The following GRSF1 variants were observed in gnomAD, a reference collection of about 807,000 sequenced individuals.
The protein encoded by GRSF1 is G-rich sequence factor 1.
A neutral mutation model predicts 51.1 loss-of-function variants in GRSF1; 50 were observed. That is an observed-to-expected ratio of 0.98 (90% CI 0.78 to 1.24). The LOEUF (loss-of-function observed/expected upper bound fraction) is 1.24, where lower values mean the gene tolerates loss of function less well. Ranked by LOEUF, GRSF1 falls within the 50% of genes most tolerant of loss-of-function variation. The pLI, the probability that GRSF1 is intolerant of heterozygous loss-of-function variation, is 0.00. For synonymous variants in GRSF1, 293 were observed against 253.3 expected (o/e 1.16, Z -1.49); for missense variants, 700 against 639.7 (o/e 1.09, Z -1.02).
In GRSF1 at chr4:70,833,119, T is replaced by G; in HGVS notation, c.669A>C (p.Glu223Asp). The change falls in exon 3 of 10, where the codon GAA becomes GAC. Residue 223 changes from glutamate to aspartate, a missense_variant and splice_region_variant. Glu to Asp is a conservative substitution (Grantham distance 45, BLOSUM62 2). Transcript: ENST00000254799. Reference protein sequence around the residue: ...HRMYMGQRYVEVYEINNEDVD... With the variant: ...HRMYMGQRYVDVYEINNEDVD... ...AAGCCATAATCTGACTTCACATACC[T>G]TCCACATACCGCTGGCCCATGTACA... 6.2e-7 allele frequency: 1 copy of G among 1,612,926 alleles called. No individual in the cohort carries two copies. The highest frequency in any genetic ancestry group is 2.2e-5 in the East Asian group (1 of 44,880).
intron 8 of GRSF1, 38 bp from the exon 9 acceptor site, chr4:70,824,406 A>G: frequency 1.9e-6 from 2 of 1,050,460 alleles, no homozygotes; most frequent in Non-Finnish European, 2.9e-6. Context: ...AAAAAGTTGA[A>G]AAGGTAGAAA....
At chr4:70,829,547 G>C (rs1400624960) in intron 5 of GRSF1, among the ~76,000 whole-genome samples, 1 of 152,050 alleles carries the variant, frequency 6.6e-6, no homozygotes, top group East Asian at 1.9e-4. Flanking sequence ...CCAGCTACTT[G>C]GGAGGCTGAA....
Position 70,839,866 on chromosome 4 carries a change from C to G in GRSF1, c.-39G>C. The G allele has an allele frequency of 6.9e-7, 1 of 1,439,456 alleles. No individual in the cohort carries two copies. The highest frequency in any genetic ancestry group is 9.1e-7 in the Non-Finnish European group (1 of 1,104,742). 89.2% of individuals were successfully genotyped at this position (1,439,456 alleles called of 1,614,324 possible). A position where few individuals can be genotyped will look rare whatever the true frequency, so the allele number is the denominator to read the frequency against. On this transcript the variant is annotated 5_prime_UTR_variant, in exon 1 of 10. Transcript: ENST00000254799. ...GGCGCAGGGCCTGAAGGCAGCTGCT[C>G]CAGCAGCGATGGTGGAACGGAAGTG... is the stretch of plus-strand genomic sequence containing the variant.
chr4:70,832,931 G>C (rs781007563), intron 3 of GRSF1, among the ~76,000 whole-genome samples, 187 bp downstream of exon 3: 1 of 152,194 alleles, frequency 6.6e-6, no homozygotes, highest in Non-Finnish European at 1.5e-5. Context: ...CTGGGTGACA[G>C]AGTGAGATTC....
chr4:70,821,407 G>T (rs138053507), intron 9 of GRSF1, among the ~76,000 whole-genome samples: 4 of 148,168 alleles, frequency 2.7e-5, no homozygotes, highest in Non-Finnish European at 1.5e-5. Context: ...CCTGGGCAAC[G>T]AGAGAAACTC....
intron 9 of GRSF1, among the ~76,000 whole-genome samples, chr4:70,822,370 G>A (rs1733552275): frequency 6.6e-6 from 1 of 151,966 alleles, no homozygotes; most frequent in South Asian, 2.1e-4. Context: ...ATCACTGGAT[G>A]TCGGGAGTTT....
At position 70,816,857 on chromosome 4, in the gene GRSF1, A is replaced by C. The variant is rs1346051128; in HGVS notation, c.*4030T>G. ...ACTGCAGGAGGCAGGCTATGGGATAAAGCATGGCAAAATGCTGCTTGTACA... is the reference window on the plus strand; with the variant it reads ...ACTGCAGGAGGCAGGCTATGGGATACAGCATGGCAAAATGCTGCTTGTACA... On this transcript the variant is annotated 3_prime_UTR_variant, in exon 10 of 10. Transcript: ENST00000254799. 6.6e-6 allele frequency: 1 copy of C among 152,248 alleles called. No homozygotes were observed. The highest frequency in any genetic ancestry group is 1.5e-5 in the Non-Finnish European group (1 of 68,054). 9.4% of individuals were successfully genotyped at this position (152,248 alleles called of 1,614,324 possible).
chr4:70,831,441 T>C (rs1733962077), intron 5 of GRSF1, 98 bp downstream of exon 5: 3 of 1,115,826 alleles, frequency 2.7e-6, no homozygotes, highest in Non-Finnish European at 1.3e-6. Flanking sequence ...TCTCTCTACT[T>C]TTCTATGTTT....
chr4:70,838,219 C>CAAAAAAAAAAAAAAAA (rs35303311), intron 1 of GRSF1, among the ~76,000 whole-genome samples: 1 of 94,626 alleles, frequency 1.1e-5, no homozygotes, highest in African/African-American at 4.1e-5. Context: ...ACTCGGTCTC[C>CAAAAAAAAAAAAAAAA]AAAAAAAAAA....
chr4:70,822,485 A>C (rs1391408152), intron 9 of GRSF1, among the ~76,000 whole-genome samples: 2 of 151,620 alleles, frequency 1.3e-5, no homozygotes, highest in Non-Finnish European at 2.9e-5. Flanking sequence ...TGGGAGGCTG[A>C]GGCAGAAGAA....
chr4:70,837,589 C>A (rs1053657908), intron 1 of GRSF1, among the ~76,000 whole-genome samples: 1 of 144,100 alleles, frequency 6.9e-6, no homozygotes, highest in Non-Finnish European at 1.5e-5. Flanking sequence ...AAAAGACTTG[C>A]ACTCTACCGG....
chr4:70,823,771 G>T (rs999286107), intron 9 of GRSF1, among the ~76,000 whole-genome samples: 4 of 152,018 alleles, frequency 2.6e-5, no homozygotes, highest in African/African-American at 9.7e-5. Context: ...TTGGGAGGCT[G>T]AAGTGAGAGA....
At chr4:70,834,133 C>T (rs1037722936) in intron 2 of GRSF1, among the ~76,000 whole-genome samples, 1 of 152,144 alleles carries the variant, frequency 6.6e-6, no homozygotes, top group Non-Finnish European at 1.5e-5. Context: ...GTGATAGGTG[C>T]CTGCTGTCCC....
At chr4:70,828,786 G>A (rs1733837818) in intron 5 of GRSF1, among the ~76,000 whole-genome samples, 1 of 143,216 alleles carries the variant, frequency 7.0e-6, no homozygotes, top group African/African-American at 2.6e-5. Context: ...TGCCCAGGCT[G>A]GAGTGCAATG....
At chr4:70,824,217 AC>A in intron 9 of GRSF1, 76 bp downstream of exon 9, 1 of 661,100 alleles carries the variant, frequency 1.5e-6, no homozygotes, top group Non-Finnish European at 2.8e-6. Context: ...TGGTCCGCCC[AC>A]CTTGGCCTCC....
chr4:70,817,574 G>A lies in GRSF1; in HGVS notation c.*3313C>T, dbSNP rs1350082030. 1.3e-5 allele frequency: 2 copies of A among 152,154 alleles called. No individual in the cohort carries two copies. Among genetic ancestry groups the A allele is most frequent in the East Asian group, 1.9e-4 (1 of 5,200 alleles). 9.4% of individuals were successfully genotyped at this position (152,154 alleles called of 1,614,324 possible). On this transcript the variant is annotated 3_prime_UTR_variant, in exon 10 of 10. Transcript: ENST00000254799. The stretch of plus-strand genomic sequence containing the variant: ...CTATGGGATTGGGAATTAAAACGAT[G>A]AGACCACTATTCACCCATTAGCTAA...
chr4:70,823,161 C>T (rs111626951), intron 9 of GRSF1, among the ~76,000 whole-genome samples: 166 of 151,884 alleles, frequency 1.1e-3, no homozygotes, highest in African/African-American at 3.9e-3. Context: ...TTTGGGAGGC[C>T]GAGGCAGGCG....
At chr4:70,835,423 C>T (rs1388045496) in intron 2 of GRSF1, among the ~76,000 whole-genome samples, 5 of 144,342 alleles carry the variant, frequency 3.5e-5, no homozygotes, top group Admixed American at 6.8e-5. Context: ...AGCGAGACTC[C>T]GTCTCAAAAA....
Position 70,832,288 on chromosome 4 carries a change from T to A in GRSF1, c.814+19A>T. 1 of 1,609,480 alleles carries A rather than the reference T, an allele frequency of 6.2e-7. No homozygotes were observed. The highest frequency in any genetic ancestry group is 8.5e-7 in the Non-Finnish European group (1 of 1,176,668). On this transcript the variant is annotated intron_variant, in intron 4 of 9. Coordinates refer to ENST00000254799, the MANE Select transcript of GRSF1 (RefSeq NM_002092.4). ...GAAAAAAGATATGAGCTCCCAAGCA[T>A]AATACAACTGCAAAGTACCTGCAAA...
Sources: allele counts gnomAD v4.1 joint callset (sites outside exome capture counted in the v4.1 genomes callset), GRCh38; gene constraint gnomAD v4.1.1; transcripts MANE v1.5; gene names NCBI Gene and HGNC (gene_info 2026-07-23, HGNC 2026-07-21).